DPF3: variants seen among roughly 807,000 people sequenced by gnomAD.
DPF3 encodes the protein double PHD fingers 3, also known as zinc finger protein DPF3.
In DPF3, 18 loss-of-function variants were observed where a neutral mutation model predicts 56.8. That is an observed-to-expected ratio of 0.32 (90% CI 0.22 to 0.47). The LOEUF is 0.47. DPF3 is among the 20% of genes least tolerant of loss of function. The pLI is 1.00. For synonymous variants in DPF3, 188 were observed against 180.2 expected (o/e 1.04, Z -0.35); for missense variants, 403 against 488.8 (o/e 0.82, Z 1.65).
rs190761062 is a variant in DPF3 at position 72,702,905 on chromosome 14, G to A, written c.605-9692C>T. On this transcript the variant is annotated intron_variant, in intron 6 of 10. Coordinates refer to ENST00000556509, the MANE Select transcript of DPF3 (RefSeq NM_001280542.3). Reference sequence around the variant, plus strand: ...CCCTCCCCTGCCCTTGAAGTTCGAGGCCAGCAGACTCGGTGGCCTTCTAGA... The same window carrying A: ...CCCTCCCCTGCCCTTGAAGTTCGAGACCAGCAGACTCGGTGGCCTTCTAGA... Among the ~76,000 whole-genome samples, 5 of 152,250 alleles carry A rather than the reference G, an allele frequency of 3.3e-5. No homozygotes were observed. The East Asian group carries it at 7.7e-4, about 24-fold the overall frequency.
chr14:72,881,053 G>A (rs527498037), intron 1 of DPF3, among the ~76,000 whole-genome samples: 4 of 152,272 alleles, frequency 2.6e-5, no homozygotes, highest in East Asian at 3.9e-4. Context: ...ACCTAAAGAC[G>A]CATAAAGCAG....
intron 4 of DPF3, among the ~76,000 whole-genome samples, chr14:72,727,176 G>A (rs775765866): frequency 1.3e-5 from 2 of 152,100 alleles, no homozygotes; most frequent in Non-Finnish European, 2.9e-5. Context: ...AACAAAACCA[G>A]CTCTGACCTG....
chr14:72,728,554 T>C (rs1476715613), intron 4 of DPF3, among the ~76,000 whole-genome samples: 1 of 151,988 alleles, frequency 6.6e-6, no homozygotes, highest in Admixed American at 6.6e-5. Context: ...GAAACAACAG[T>C]TTTTTAGCAG....
intron 2 of DPF3, among the ~76,000 whole-genome samples, chr14:72,757,253 A>G (rs1340888565): frequency 6.6e-6 from 1 of 152,332 alleles, no homozygotes; most frequent in East Asian, 1.9e-4. Context: ...CTCTCTCTGC[A>G]GGATCTCAGA....
intron 1 of DPF3, among the ~76,000 whole-genome samples, chr14:72,858,743 G>A (rs1324767259): frequency 6.6e-6 from 1 of 152,176 alleles, no homozygotes; most frequent in Non-Finnish European, 1.5e-5. Flanking sequence ...AAGTATTTCT[G>A]ACAGCATTCA....
At chr14:72,799,648 T>C (rs895366115) in intron 1 of DPF3, among the ~76,000 whole-genome samples, 1 of 151,952 alleles carries the variant, frequency 6.6e-6, no homozygotes, top group Non-Finnish European at 1.5e-5. Context: ...TGTATATATA[T>C]ATATATGAGA....
chr14:72,632,860 A>G (rs1885249646), intron 8 of DPF3, among the ~76,000 whole-genome samples: 1 of 104,342 alleles, frequency 9.6e-6, no homozygotes, highest in Non-Finnish European at 1.9e-5. Context: ...GGGAAGGACA[A>G]GAGAAGGGGA....
chr14:72,650,948 A>G (rs1320764441), intron 8 of DPF3, among the ~76,000 whole-genome samples: 1 of 152,190 alleles, frequency 6.6e-6, no homozygotes, highest in African/African-American at 2.4e-5. Context: ...TAAAATGCAA[A>G]CAACTTTCTT....
Position 72,751,683 on chromosome 14 carries a change from G to A in DPF3, c.301+1581C>T, listed in dbSNP as rs569673244. Reference sequence around the variant, plus strand: ...AAAAGATCATAAATGATTTTATATCGATGACATGCTGAAATGATGTTTTTG... The same window carrying A: ...AAAAGATCATAAATGATTTTATATCAATGACATGCTGAAATGATGTTTTTG... On this transcript the variant is annotated intron_variant, in intron 3 of 10. Transcript: ENST00000556509. Among the ~76,000 whole-genome samples the A allele has an allele frequency of 1.2e-3, 185 of 152,302 alleles. 1 individual carries two copies. The highest frequency in any genetic ancestry group is 2.0e-3 in the Non-Finnish European group (138 of 68,032).
chr14:72,797,635 G>A (rs1176849788), intron 1 of DPF3, among the ~76,000 whole-genome samples: 1 of 152,082 alleles, frequency 6.6e-6, no homozygotes, highest in Admixed American at 6.5e-5. Context: ...TTTTAAATGG[G>A]GTTGGCTGCT....
At chr14:72,770,343 G>C (rs1197269707) in intron 2 of DPF3, among the ~76,000 whole-genome samples, 1 of 152,240 alleles carries the variant, frequency 6.6e-6, no homozygotes, top group Non-Finnish European at 1.5e-5. Flanking sequence ...GAGAGGCAGA[G>C]ACAGAGAGAA....
intron 6 of DPF3, 29 bp downstream of exon 6, chr14:72,714,394 G>A: frequency 6.2e-7 from 1 of 1,602,172 alleles, no homozygotes. Flanking sequence ...GCACAGGGAG[G>A]AAGGAAGGTG....
At chr14:72,876,814 C>A (rs1886135406) in intron 1 of DPF3, among the ~76,000 whole-genome samples, 1 of 152,224 alleles carries the variant, frequency 6.6e-6, no homozygotes, top group Non-Finnish European at 1.5e-5. Context: ...ATTTCAAGGA[C>A]CCCTGGTGGC....
intron 1 of DPF3, among the ~76,000 whole-genome samples, chr14:72,865,226 T>C (rs1053215484): frequency 2.0e-5 from 3 of 152,212 alleles, no homozygotes; most frequent in African/African-American, 7.2e-5. Context: ...CTATGGACGC[T>C]GCAGTGCCCA....
intron 1 of DPF3, among the ~76,000 whole-genome samples, chr14:72,829,905 G>C (rs1883982294): frequency 6.6e-6 from 1 of 151,974 alleles, no homozygotes; most frequent in Non-Finnish European, 1.5e-5. Flanking sequence ...ACCACACCCA[G>C]CTAACTTTTT....
At chr14:72,844,765 CTT>C (rs1431974169) in intron 1 of DPF3, among the ~76,000 whole-genome samples, 1 of 152,156 alleles carries the variant, frequency 6.6e-6, no homozygotes, top group African/African-American at 2.4e-5. Context: ...GCATTTGACA[CTT>C]TGTGATGAAC....
In DPF3 at chr14:72,734,846, G is replaced by T. The variant is rs553137871; in HGVS notation, c.302-2912C>A. Among the ~76,000 whole-genome samples the T allele has an allele frequency of 5.3e-5, 8 of 152,326 alleles. No individual in the cohort carries two copies. The East Asian group carries it at 1.5e-3, about 29-fold the overall frequency. ...TTCTTATTAGTGGTTGACAGGCTTA[G>T]GCTGAGCCCTGAATGAGCTTTGGTA... On this transcript the variant is annotated intron_variant, in intron 3 of 10. Transcript: ENST00000556509.
intron 1 of DPF3, among the ~76,000 whole-genome samples, chr14:72,783,080 G>A (rs1833209758): frequency 6.6e-6 from 1 of 151,984 alleles, no homozygotes; most frequent in Admixed American, 6.6e-5. Context: ...CTTTGCATAT[G>A]CCATCTCCTC....
chr14:72,677,971 C>T (rs1039562184), intron 7 of DPF3, among the ~76,000 whole-genome samples: 14 of 110,432 alleles, frequency 1.3e-4, no homozygotes, highest in Admixed American at 7.4e-4. Context: ...TGTTCAACTG[C>T]GTATTGAAAG....
Sources: gnomAD v4.1 joint callset for allele counts (sites outside exome capture counted in the v4.1 genomes callset) on GRCh38, gnomAD v4.1.1 for gene constraint, MANE v1.5 for transcripts, NCBI Gene and HGNC (gene_info 2026-07-23, HGNC 2026-07-21) for gene names.